The following DGLUCY variants were observed in gnomAD, a reference collection of about 807,000 sequenced individuals.
DGLUCY encodes D-glutamate cyclase, also known as D-glutamate cyclase, mitochondrial.
A neutral mutation model predicts 58.5 loss-of-function variants in DGLUCY; 58 were observed. That is an observed-to-expected ratio of 0.99 (90% confidence interval 0.80 to 1.23). The LOEUF (loss-of-function observed/expected upper bound fraction) is 1.23, where lower values mean the gene tolerates loss of function less well. Ranked by LOEUF, DGLUCY falls within the 50% of genes most tolerant of loss-of-function variation. DGLUCY has a pLI of 0.00. For missense variants in DGLUCY, 779 were observed against 784.7 expected (o/e 0.99, Z 0.09); for synonymous variants, 325 against 314.1 (o/e 1.03, Z -0.37).
chr14:91,132,247 A>G (rs377030437), intron 1 of DGLUCY, among the ~76,000 whole-genome samples: 2 of 152,276 alleles, frequency 1.3e-5, no homozygotes, highest in African/African-American at 2.4e-5. Flanking sequence ...TTGTAGACCA[A>G]TATTTTTGTA....
Position 91,196,434 on chromosome 14 carries a change from C to G in DGLUCY, c.1255C>G (p.Gln419Glu). 3 of 1,614,150 alleles carry G rather than the reference C, an allele frequency of 1.9e-6. No homozygotes were observed. The highest frequency in any genetic ancestry group is 2.5e-6 in the Non-Finnish European group (3 of 1,180,028). ...CCAAGGTGGATCAGTGGAAGCTGCT[C>G]AGGCATTCCTGTGCAAAAATGGGGA... ...TYQGGSVEAAQAFLCKNGDPQ... is the reference protein window; with the variant it reads ...TYQGGSVEAAEAFLCKNGDPQ... The change falls in exon 10 of 14, where the codon CAG (glutamine) becomes GAG (glutamate). Residue 419 changes from glutamine (Q) to glutamate (E), a missense_variant. Transcript: ENST00000256324.
intron 1 of DGLUCY, among the ~76,000 whole-genome samples, chr14:91,131,544 G>C (rs1254374830): frequency 1.3e-5 from 2 of 151,634 alleles, no homozygotes. Flanking sequence ...GTATACATGT[G>C]CCATGTTGGT....
intron 1 of DGLUCY, among the ~76,000 whole-genome samples, chr14:91,155,885 G>A (rs1242825593): frequency 1.3e-5 from 2 of 151,354 alleles, no homozygotes; most frequent in East Asian, 1.9e-4. Context: ...TCCAGAGGGC[G>A]CCATTCACAT....
chr14:91,068,059 GCACA>G (rs142034553), intron 1 of DGLUCY, among the ~76,000 whole-genome samples: 51 of 136,730 alleles, frequency 3.7e-4, no homozygotes, highest in Non-Finnish European at 5.0e-4. Context: ...ACTGGCGCGT[GCACA>G]CACACACACG....
chr14:91,060,527 G>A (rs1377882809), exon 1 of DGLUCY: 17 of 1,232,322 alleles, frequency 1.4e-5, no homozygotes, highest in Non-Finnish European at 1.6e-5. Context: ...CGCGGCCCCA[G>A]GAGTCGGGGT....
upstream of DGLUCY, among the ~76,000 whole-genome samples, chr14:91,111,248 G>GTATATA (rs779114336): frequency 9.9e-5 from 8 of 81,154 alleles, no homozygotes; most frequent in Admixed American, 4.9e-4. Context: ...GTGTGTGTGT[G>GTATATA]TATATATCTA....
At chr14:91,160,433 A>AAG (rs1566974107) in intron 3 of DGLUCY, 36 bp downstream of exon 3, 1 of 1,446,658 alleles carries the variant, frequency 6.9e-7, no homozygotes, top group African/African-American at 1.5e-5. Flanking sequence ...AAAAAAAAAA[A>AAG]AAAAAAAAGA....
intron 1 of DGLUCY, among the ~76,000 whole-genome samples, chr14:91,067,243 A>C (rs1447263898): frequency 6.6e-6 from 1 of 152,166 alleles, no homozygotes; most frequent in Non-Finnish European, 1.5e-5. Flanking sequence ...GGAACCAAAA[A>C]AAAAAACACT....
intron 8 of DGLUCY, among the ~76,000 whole-genome samples, chr14:91,182,640 A>G (rs1315035077): frequency 6.6e-6 from 1 of 152,078 alleles, no homozygotes; most frequent in Non-Finnish European, 1.5e-5. Context: ...CTTTAGTGCC[A>G]TTGCCCTGGG....
intron 1 of DGLUCY, among the ~76,000 whole-genome samples, chr14:91,071,347 A>AG (rs1178671047): frequency 2.0e-5 from 3 of 151,702 alleles, no homozygotes; most frequent in African/African-American, 7.3e-5. Flanking sequence ...AAAAAAAAAA[A>AG]AAAAAGAAGT....
chr14:91,073,391 A>G (rs1289356969), intron 1 of DGLUCY, among the ~76,000 whole-genome samples: 1 of 152,218 alleles, frequency 6.6e-6, no homozygotes, highest in Non-Finnish European at 1.5e-5. Context: ...GAGTGAGCCA[A>G]GATCGTGCCA....
At chr14:91,189,481 C>T (rs908299367) in intron 9 of DGLUCY, among the ~76,000 whole-genome samples, 7 of 152,108 alleles carry the variant, frequency 4.6e-5, no homozygotes, top group African/African-American at 1.7e-4. Flanking sequence ...CTTAGCAATC[C>T]GGGGCAGCCC....
intron 1 of DGLUCY, among the ~76,000 whole-genome samples, chr14:91,143,129 T>C (rs1053449999): frequency 6.6e-6 from 1 of 151,310 alleles, no homozygotes; most frequent in African/African-American, 2.4e-5. Flanking sequence ...GGAGTCTTGC[T>C]CTGTCGCCCA....
chr14:91,139,092 G>T (rs1012996930), intron 1 of DGLUCY, among the ~76,000 whole-genome samples: 2 of 152,146 alleles, frequency 1.3e-5, no homozygotes, highest in African/African-American at 4.8e-5. Flanking sequence ...GATTATGGAG[G>T]CTGAAAAGTT....
At chr14:91,141,773 A>G (rs980683476) in intron 1 of DGLUCY, among the ~76,000 whole-genome samples, 1 of 148,968 alleles carries the variant, frequency 6.7e-6, no homozygotes, top group African/African-American at 2.5e-5. Context: ...CTGGTCTTGA[A>G]CTCCCGACCT....
intron 5 of DGLUCY, among the ~76,000 whole-genome samples, chr14:91,170,481 T>G (rs535036079): frequency 6.6e-6 from 1 of 152,162 alleles, no homozygotes; most frequent in African/African-American, 2.4e-5. Context: ...TCTGGCTCCT[T>G]TAACTTCAGG....
chr14:91,073,106 C>T (rs1395608757), intron 1 of DGLUCY, among the ~76,000 whole-genome samples: 2 of 151,870 alleles, frequency 1.3e-5, no homozygotes, highest in Non-Finnish European at 2.9e-5. Context: ...GGTGTTACAC[C>T]CATGATTATG....
intron 10 of DGLUCY, among the ~76,000 whole-genome samples, chr14:91,196,831 G>A (rs569303673): frequency 1.9e-4 from 29 of 151,574 alleles, no homozygotes; most frequent in African/African-American, 7.0e-4. Flanking sequence ...TTTCAGTTAG[G>A]GTATCCAGCA....
chr14:91,098,941 AAAAG>A (rs1180403047), intron 1 of DGLUCY, among the ~76,000 whole-genome samples: 41 of 152,364 alleles, frequency 2.7e-4, no homozygotes, highest in Admixed American at 2.5e-3. Flanking sequence ...ATAATGGAAT[AAAAG>A]AAAATTTAAT....
Sources: allele counts gnomAD v4.1 joint callset (sites outside exome capture counted in the v4.1 genomes callset), GRCh38; gene constraint gnomAD v4.1.1; transcripts MANE v1.5; gene names NCBI Gene and HGNC (gene_info 2026-07-23, HGNC 2026-07-21).